TENM3: variants seen among roughly 807,000 people sequenced by gnomAD.
The protein encoded by TENM3 is teneurin transmembrane protein 3, also known as teneurin-3.
TENM3 carries 63 observed loss-of-function variants against 255.1 expected under a neutral mutation model. That is an observed-to-expected ratio of 0.25 (90% confidence interval 0.20 to 0.30). The LOEUF is 0.30. TENM3 is among the 10% of genes least tolerant of loss of function. The pLI is 1.00. For missense variants in TENM3, 2,929 were observed against 3,461.1 expected, an observed-to-expected ratio of 0.85 and a Z score of 3.86; for synonymous variants, 1,306 against 1,322.3, an observed-to-expected ratio of 0.99 and a Z score of 0.27.
At chr4:182,746,538 G>A (rs1382729767) in intron 19 of TENM3, among the ~76,000 whole-genome samples, 1 of 152,126 alleles carries the variant, frequency 6.6e-6, no homozygotes, top group Non-Finnish European at 1.5e-5. Flanking sequence ...CAGATTGCTT[G>A]GGGCCTTGAG....
chr4:182,523,159 T>C (rs933896396), intron 3 of TENM3, among the ~76,000 whole-genome samples: 2 of 151,992 alleles, frequency 1.3e-5, no homozygotes, highest in African/African-American at 4.8e-5. Context: ...GTTTTGTTTT[T>C]TGTTTTTGTG....
the TENM3 span, among the ~76,000 whole-genome samples, chr4:181,852,834 C>A: frequency 1.3e-5 from 2 of 152,130 alleles, no homozygotes; most frequent in African/African-American, 4.8e-5. Context: ...ATGAGCAACA[C>A]CTTAAAATAA....
At chr4:182,255,931 T>C (rs1758363190) in intron 1 of TENM3, among the ~76,000 whole-genome samples, 2 of 152,246 alleles carry the variant, frequency 1.3e-5, no homozygotes, top group South Asian at 4.1e-4. Context: ...AAATCCTTCA[T>C]GCATTCTTTC....
intron 3 of TENM3, among the ~76,000 whole-genome samples, chr4:182,511,696 A>C (rs1737415857): frequency 6.6e-6 from 1 of 152,138 alleles, no homozygotes; most frequent in South Asian, 2.1e-4. Flanking sequence ...AGCATTTGTA[A>C]ATGTGAAGAA....
the TENM3 span, among the ~76,000 whole-genome samples, chr4:181,918,982 G>A: frequency 6.6e-6 from 1 of 152,154 alleles, no homozygotes; most frequent in Non-Finnish European, 1.5e-5. Flanking sequence ...TGAATTTTCA[G>A]ATGAGATACT....
chr4:182,401,882 G>C (rs1324411719), intron 3 of TENM3, among the ~76,000 whole-genome samples: 1 of 152,136 alleles, frequency 6.6e-6, no homozygotes, highest in Non-Finnish European at 1.5e-5. Flanking sequence ...ATAAGGAATT[G>C]GTCAGGAAGT....
chr4:182,376,058 T>A (rs1767158954), intron 3 of TENM3, among the ~76,000 whole-genome samples: 1 of 152,228 alleles, frequency 6.6e-6, no homozygotes, highest in Admixed American at 6.5e-5. Flanking sequence ...TATTGCATCT[T>A]GTCATTATGT....
chr4:182,021,328 A>G, the TENM3 span, among the ~76,000 whole-genome samples: 2 of 152,216 alleles, frequency 1.3e-5, no homozygotes, highest in East Asian at 3.9e-4. Context: ...CTGGGCACCT[A>G]TGGTGATTCC....
chr4:181,692,729 G>A, the TENM3 span, among the ~76,000 whole-genome samples: 1 of 152,190 alleles, frequency 6.6e-6, no homozygotes, highest in Non-Finnish European at 1.5e-5. Flanking sequence ...GAGTAGGCAT[G>A]GAGGTACAGG....
the TENM3 span, among the ~76,000 whole-genome samples, chr4:181,623,225 A>C: frequency 6.6e-6 from 1 of 152,246 alleles, no homozygotes; most frequent in African/African-American, 2.4e-5. Flanking sequence ...TAAGTTACTT[A>C]ACCTCTCTGT....
At chr4:181,671,578 A>C in the TENM3 span, among the ~76,000 whole-genome samples, 1 of 152,184 alleles carries the variant, frequency 6.6e-6, no homozygotes, top group Non-Finnish European at 1.5e-5. Context: ...AAATAAGAGA[A>C]ACCATGTAAA....
At chr4:181,645,900 T>C in the TENM3 span, among the ~76,000 whole-genome samples, 1 of 152,250 alleles carries the variant, frequency 6.6e-6, no homozygotes, top group Non-Finnish European at 1.5e-5. Context: ...TCGTTTTTTG[T>C]CTTTTAAAAA....
chr4:182,298,993 A>AAAAAAAAAAAAAAAAAAAAAAC, intron 1 of TENM3, among the ~76,000 whole-genome samples: 1 of 95,924 alleles, frequency 1.0e-5, no homozygotes, highest in Non-Finnish European at 2.0e-5. Context: ...TCAAAAAAAA[A>AAAAAAAAAAAAAAAAAAAAAAC]AAAAAAAAAA....
At chr4:182,218,771 C>T (rs540196501) in intron 1 of TENM3, among the ~76,000 whole-genome samples, 5 of 152,252 alleles carry the variant, frequency 3.3e-5, no homozygotes, top group African/African-American at 7.2e-5. Flanking sequence ...CTAATATATT[C>T]GCAAACATAA....
chr4:182,632,844 G>C (rs1751504358), intron 5 of TENM3, among the ~76,000 whole-genome samples: 1 of 151,874 alleles, frequency 6.6e-6, no homozygotes, highest in African/African-American at 2.4e-5. Context: ...ATTTTTTGGA[G>C]ACAGGTTCTC....
At chr4:181,703,239 G>T in the TENM3 span, among the ~76,000 whole-genome samples, 68 of 152,302 alleles carry the variant, frequency 4.5e-4, no homozygotes, top group Non-Finnish European at 8.1e-4. Flanking sequence ...GGTTTCAGAT[G>T]TGGGAGTCGT....
the TENM3 span, among the ~76,000 whole-genome samples, chr4:181,613,721 A>C: frequency 6.6e-6 from 1 of 152,364 alleles, no homozygotes; most frequent in Non-Finnish European, 1.5e-5. Context: ...TGATTTATTC[A>C]GATAAACCAC....
At chr4:182,278,036 G>A (rs561740829) in intron 1 of TENM3, among the ~76,000 whole-genome samples, 7 of 152,232 alleles carry the variant, frequency 4.6e-5, no homozygotes, top group African/African-American at 1.7e-4. Flanking sequence ...ATTTTTCCAT[G>A]CAGACCAGAA....
At chr4:181,605,568 AAGAG>A in the TENM3 span, among the ~76,000 whole-genome samples, 2,637 of 42,036 alleles carry the variant, frequency 0.063, 298 homozygotes, top group Middle Eastern at 0.14. Flanking sequence ...GAAAGAAAGA[AAGAG>A]AGAGAAAGAA....
Sources: gnomAD v4.1 joint callset for allele counts (sites outside exome capture counted in the v4.1 genomes callset) on GRCh38, gnomAD v4.1.1 for gene constraint, MANE v1.5 for transcripts, NCBI Gene and HGNC (gene_info 2026-07-23, HGNC 2026-07-21) for gene names.